Variants in TAOK1 observed in about 807,000 individuals in gnomAD.
TAOK1 encodes serine/threonine-protein kinase TAO1.
Under a neutral mutation model 138.3 loss-of-function variants are expected in TAOK1, and 21 were observed. That is an observed-to-expected ratio of 0.15 (90% CI 0.11 to 0.22). The LOEUF (loss-of-function observed/expected upper bound fraction) is 0.22. TAOK1 is among the 10% of genes least tolerant of loss of function. The pLI is 1.00. For synonymous variants in TAOK1, 361 were observed against 398.4 expected, an observed-to-expected ratio of 0.91 and a Z score of 1.12; for missense variants, 651 against 1,227.7, an observed-to-expected ratio of 0.53 and a Z score of 7.02.
rs1235511091 is a variant in TAOK1, at chr17:29,425,470, C to T, written c.-94-25985C>T. The stretch of plus-strand genomic sequence containing the variant: ...GAGCCGGGTGGACAGCTTGAGTTCA[C>T]GAGTTTGAGACCAGCCTGGGCAGCA... On this transcript the variant is annotated intron_variant, in intron 1 of 19. Coordinates refer to ENST00000261716, the MANE Select transcript of TAOK1 (RefSeq NM_020791.4). 3.3e-5 allele frequency among the ~76,000 whole-genome samples: 5 copies of T among 152,188 alleles called. No individual in the cohort carries two copies. In the East Asian group the frequency reaches 9.7e-4, roughly 29 times the overall value.
At chr17:29,538,480 G>A (rs2032261583) in intron 19 of TAOK1, among the ~76,000 whole-genome samples, 1 of 152,142 alleles carries the variant, frequency 6.6e-6, no homozygotes. Context: ...GTGACTACAA[G>A]GCAGGCTGGG....
chr17:29,404,277 C>T (rs2153020397), intron 1 of TAOK1, among the ~76,000 whole-genome samples: 1 of 152,188 alleles, frequency 6.6e-6, no homozygotes, highest in South Asian at 2.1e-4. Flanking sequence ...ATCCTCCTGC[C>T]TCAGCCCCAC....
chr17:29,448,865 G>T (rs1226017525), intron 1 of TAOK1, among the ~76,000 whole-genome samples: 1 of 152,160 alleles, frequency 6.6e-6, no homozygotes. Context: ...GACACATTGT[G>T]CCTGCTTGTT....
In TAOK1 at chr17:29,498,512, T is replaced by G; in HGVS notation, c.1194T>G (p.His398Gln). The change falls in exon 12 of 20, where the codon CAT (histidine) becomes CAG (glutamine). Residue 398 changes from histidine (H) to glutamine (Q), a missense_variant. By Grantham distance (24) the His-to-Gln change is conservative (BLOSUM62 0). Coordinates refer to ENST00000261716, the MANE Select transcript of TAOK1 (RefSeq NM_020791.4). ...HTVMSNSSVI[H>Q]LKPEEENYRE... is the part of the protein sequence containing the mutation. ...TGATGTCTAACAGTTCTGTTATCCA[T>G]TTAAAACCAGTGAGTATTTGGATTT... 1 of 1,614,158 alleles carries G rather than the reference T, an allele frequency of 6.2e-7. No individual in the cohort carries two copies. The highest frequency in any genetic ancestry group is 1.1e-5 in the South Asian group (1 of 91,076).
intron 13 of TAOK1, among the ~76,000 whole-genome samples, chr17:29,507,016 T>A (rs1282301203): frequency 6.6e-6 from 1 of 152,158 alleles, no homozygotes; most frequent in Non-Finnish European, 1.5e-5. Context: ...ATGACACTAC[T>A]TATATGATAT....
At position 29,542,722 on chromosome 17, in the gene TAOK1, C is replaced by T. The variant is rs2032339815; in HGVS notation, c.2706C>T (p.His902=). Residue 902 remains histidine (H), a synonymous_variant, in exon 20 of 20, where the codon CAC becomes CAT. Transcript: ENST00000261716. ...LSNLSPEAFS[H]SYPGASGWSH... ...ATCTCTCCCCTGAGGCATTCAGCCA[C>T]AGCTACCCGGGAGCTTCTGGTTGGT... The T allele has an allele frequency of 2.5e-6, 4 of 1,614,256 alleles. No individual in the cohort carries two copies. Among genetic ancestry groups the T allele is most frequent in the South Asian group, 1.1e-5 (1 of 91,090 alleles).
chr17:29,511,121 T>A, intron 15 of TAOK1, 129 bp downstream of exon 15: 1 of 718,254 alleles, frequency 1.4e-6, no homozygotes, highest in Non-Finnish European at 2.1e-6. Context: ...GGTATTAGTT[T>A]AAATGATGAC....
chr17:29,490,770 G>A (rs943903754), intron 9 of TAOK1, among the ~76,000 whole-genome samples: 66 of 152,256 alleles, frequency 4.3e-4, no homozygotes, highest in African/African-American at 1.6e-3. Context: ...TCTGGAGGCT[G>A]GGAAGTCCAG....
chr17:29,455,858 G>A lies in TAOK1; in HGVS notation c.132+4178G>A, dbSNP rs1156819270. Among the ~76,000 whole-genome samples, 4 of 149,924 alleles carry A rather than the reference G, an allele frequency of 2.7e-5. No homozygotes were observed. The East Asian group carries it at 5.8e-4, about 22-fold the overall frequency. ...TTGTAATTCTTTTAATATGCTCTAG[G>A]TTTCTGTTTGCTAGTATGGTGTTGG... On this transcript the variant is annotated intron_variant, in intron 2 of 19. Transcript: ENST00000261716.
At chr17:29,515,951 GTATT>G (rs199960608) in intron 15 of TAOK1, among the ~76,000 whole-genome samples, 15 of 151,902 alleles carry the variant, frequency 9.9e-5, no homozygotes, top group Non-Finnish European at 1.8e-4. Context: ...TTTTATGTAT[GTATT>G]TATTTATTTA....
At chr17:29,479,848 T>C (rs1158709042) in intron 6 of TAOK1, among the ~76,000 whole-genome samples, 1 of 152,124 alleles carries the variant, frequency 6.6e-6, no homozygotes. Flanking sequence ...ATTATCCATA[T>C]ATTTCAGTTT....
intron 12 of TAOK1, among the ~76,000 whole-genome samples, chr17:29,498,885 C>A (rs1199382289): frequency 6.6e-6 from 1 of 151,624 alleles, no homozygotes; most frequent in Non-Finnish European, 1.5e-5. Context: ...AAGATCCCAC[C>A]ACTGCAGTCC....
chr17:29,496,788 G>A (rs1348275189), intron 11 of TAOK1, among the ~76,000 whole-genome samples: 1 of 151,024 alleles, frequency 6.6e-6, no homozygotes, highest in East Asian at 2.0e-4. Context: ...GTTTCGCTAT[G>A]TTGGCCAGGC....
At chr17:29,501,884 A>G (rs1226529096) in intron 12 of TAOK1, among the ~76,000 whole-genome samples, 1 of 152,000 alleles carries the variant, frequency 6.6e-6, no homozygotes, top group Non-Finnish European at 1.5e-5. Context: ...AAAAAATACA[A>G]AAGTTAGCTG....
intron 2 of TAOK1, among the ~76,000 whole-genome samples, chr17:29,451,886 T>G (rs1467409059): frequency 6.6e-6 from 1 of 152,184 alleles, no homozygotes; most frequent in Non-Finnish European, 1.5e-5. Context: ...GTTTTATTTA[T>G]TGAACTTCTT....
chr17:29,448,776 T>C (rs2030158988), intron 1 of TAOK1, among the ~76,000 whole-genome samples: 1 of 152,188 alleles, frequency 6.6e-6, no homozygotes, highest in Non-Finnish European at 1.5e-5. Flanking sequence ...TTAAGTATAT[T>C]GTTTTATTCA....
intron 2 of TAOK1, among the ~76,000 whole-genome samples, chr17:29,465,837 C>CTTTTTTGTTTTTTTTTTTTTTT (rs2030651007): frequency 2.2e-5 from 1 of 45,434 alleles, no homozygotes; most frequent in African/African-American, 1.1e-4. Flanking sequence ...AGTTTCTGTG[C>CTTTTTTGTTTTTTTTTTTTTTT]TTTTTTTTTT....
chr17:29,529,537 G>A (rs2032068135), intron 17 of TAOK1, among the ~76,000 whole-genome samples: 1 of 151,950 alleles, frequency 6.6e-6, no homozygotes, highest in African/African-American at 2.4e-5. Context: ...TTTGACACCA[G>A]CCTAGGTAAC....
At chr17:29,408,790 G>A (rs1905065730) in intron 1 of TAOK1, among the ~76,000 whole-genome samples, 3 of 151,518 alleles carry the variant, frequency 2.0e-5, no homozygotes, top group Admixed American at 6.6e-5. Context: ...TTCGCTCACT[G>A]CAACCTCCAC....
Sources: gnomAD v4.1 joint callset for allele counts (sites outside exome capture counted in the v4.1 genomes callset) on GRCh38, gnomAD v4.1.1 for gene constraint, MANE v1.5 for transcripts, NCBI Gene and HGNC (gene_info 2026-07-23, HGNC 2026-07-21) for gene names.